Variants in DOP1B observed in about 807,000 individuals in gnomAD.
The protein encoded by DOP1B is DOP1 leucine zipper like protein B.
In DOP1B, 174 loss-of-function variants were observed where a neutral mutation model predicts 233.5. The ratio of observed to expected loss-of-function variants is 0.75; its 90% CI spans 0.66 to 0.85. The LOEUF is 0.85. Ranked by LOEUF, DOP1B falls within the 40% of genes least tolerant of loss-of-function variation. The pLI, the probability that DOP1B is intolerant of heterozygous loss-of-function variation, is 0.00. For missense variants in DOP1B, 2,652 were observed against 2,846.6 expected (o/e 0.93, Z 1.56); for synonymous variants, 1,190 against 1,185.6 (o/e 1.00, Z -0.08).
chr21:36,205,268 T>C (rs1482894951), intron 4 of DOP1B, among the ~76,000 whole-genome samples: 1 of 152,228 alleles, frequency 6.6e-6, no homozygotes, highest in African/African-American at 2.4e-5. Context: ...CAGTGTCATT[T>C]GAAGGAGCTG....
At chr21:36,163,072 C>T (rs189243633) in intron 1 of DOP1B, among the ~76,000 whole-genome samples, 3 of 151,902 alleles carry the variant, frequency 2.0e-5, no homozygotes, top group South Asian at 2.1e-4. Context: ...GGTTGCCAGG[C>T]GCGGTGGCTC....
At chr21:36,247,141 A>G (rs944571570) in intron 19 of DOP1B, among the ~76,000 whole-genome samples, 3 of 152,032 alleles carry the variant, frequency 2.0e-5, no homozygotes, top group African/African-American at 7.2e-5. Flanking sequence ...CGGCCTCCCA[A>G]AGTGCTGGGG....
At chr21:36,211,430 G>C in intron 5 of DOP1B, 123 bp from the exon 6 acceptor site, 1 of 836,524 alleles carries the variant, frequency 1.2e-6, no homozygotes, top group East Asian at 2.6e-5. Context: ...CCTGACCTGT[G>C]GCTGCTGGTT....
rs567010315 is a variant in DOP1B, at chr21:36,292,201, A to G, written c.6613A>G (p.Arg2205Gly). ...NHQECKPHTV[R>G]ILELLKLKFG... is the part of the protein sequence containing the mutation. ...CCAAGAATGCAAACCCCACACTGTC[A>G]GGATTCTAGAACTTCTAAAATTAAA... The change falls in exon 36 of 37, where the codon AGG becomes GGG. Residue 2205 changes from arginine to glycine, a missense_variant. Physicochemically the swap from Arg to Gly is moderately radical, Grantham distance 125. Transcript: ENST00000691173. 1.2e-6 allele frequency: 2 copies of G among 1,607,736 alleles called. No homozygotes were observed. Among genetic ancestry groups the G allele is most frequent in the East Asian group, 4.5e-5 (2 of 44,816 alleles).
At position 36,200,487 on chromosome 21, in the gene DOP1B, C is replaced by T. The variant is rs1221582117; in HGVS notation, c.477C>T (p.Ser159=). Residue 159 remains serine, a synonymous_variant, in exon 4 of 37, where the codon TCC becomes TCT. Coordinates refer to ENST00000691173, the MANE Select transcript of DOP1B (RefSeq NM_001320714.2). ...VGLLPGLEEG[S]EISDRTDALL... The stretch of plus-strand genomic sequence containing the variant: ...TGCTGCCCGGCCTTGAAGAGGGCTC[C>T]GAGATCTCCGACAGGTGCGTGGGCG... The T allele has an allele frequency of 4.4e-6, 7 of 1,608,234 alleles. No homozygotes were observed. The highest frequency in any genetic ancestry group is 4.0e-5 in the African/African-American group (3 of 74,786).
At chr21:36,232,044 C>T (rs1601432119) in intron 14 of DOP1B, among the ~76,000 whole-genome samples, 1 of 152,132 alleles carries the variant, frequency 6.6e-6, no homozygotes, top group South Asian at 2.1e-4. Context: ...CAGGGTTTCA[C>T]CATGTTGGCC....
chr21:36,227,697 T>C lies in DOP1B; in HGVS notation c.1485T>C (p.Ser495=). 1 of 1,552,312 alleles carries C rather than the reference T, an allele frequency of 6.4e-7. No homozygotes were observed. Among genetic ancestry groups the C allele is most frequent in the African/African-American group, 1.4e-5 (1 of 73,214 alleles). Residue 495 remains serine, a synonymous_variant, in exon 13 of 37, where the codon TCT becomes TCC. Coordinates refer to ENST00000691173, the MANE Select transcript of DOP1B (RefSeq NM_001320714.2). ...CGTTTATTTCACAGGAACTTTACTC[T>C]GAGGTGCAAACCCAGTATCTCCCTC... ...LLDVIPLELY[S]EVQTQYLPQV...
At chr21:36,189,404 C>T in intron 2 of DOP1B, among the ~76,000 whole-genome samples, 1 of 152,286 alleles carries the variant, frequency 6.6e-6, no homozygotes, top group Middle Eastern at 3.4e-3. Flanking sequence ...CCTGTTTAAT[C>T]AGTTTCTCCT....
chr21:36,229,685 A>G lies in DOP1B; in HGVS notation c.1666-765A>G, dbSNP rs865788724. Among the ~76,000 whole-genome samples, 1,133 of 140,046 alleles carry G rather than the reference A, an allele frequency of 8.1e-3. 14 individuals carry two copies. Among genetic ancestry groups the G allele is most frequent in the African/African-American group, 0.03 (1,087 of 36,694 alleles). The allele number at this position is 140,046 out of a possible 152,430, so 91.9% of individuals were successfully genotyped here. A position where few individuals can be genotyped will look rare whatever the true frequency, so the allele number is the denominator to read the frequency against. On this transcript the variant is annotated intron_variant, in intron 13 of 36. Coordinates refer to ENST00000691173, the MANE Select transcript of DOP1B (RefSeq NM_001320714.2). ...CCTTTTTTTTTTTTTTTTTTGAGACAGAGTCTCTCTCTGTCGCCCAGGCTG... is the reference window on the plus strand; with the variant it reads ...CCTTTTTTTTTTTTTTTTTTGAGACGGAGTCTCTCTCTGTCGCCCAGGCTG...
chr21:36,186,488 C>T (rs999708771), intron 2 of DOP1B, among the ~76,000 whole-genome samples: 8 of 152,050 alleles, frequency 5.3e-5, no homozygotes, highest in East Asian at 1.9e-4. Context: ...GACATGTGTA[C>T]GCATATCCAG....
At position 36,176,097 on chromosome 21, in the gene DOP1B, C is replaced by CGTGTGTGT. The variant is rs1555886143; in HGVS notation, c.138+11244_138+11251dup. On this transcript the variant is annotated intron_variant, in intron 2 of 36. Transcript: ENST00000691173. ...GAGCTTCGACTTTGGGGTGTGTGTG[C>CGTGTGTGT]GTGTGTGTGTGTGTGTGTGTGTGTG... Among the ~76,000 whole-genome samples, 392 of 141,844 alleles carry CGTGTGTGT rather than the reference C, an allele frequency of 2.8e-3. 5 individuals carry two copies. The highest frequency in any genetic ancestry group is 9.1e-3 in the African/African-American group (354 of 38,880). The allele number at this position is 141,844 out of a possible 152,430, so 93.1% of individuals were successfully genotyped here. A position where few individuals can be genotyped will look rare whatever the true frequency, so the allele number is the denominator to read the frequency against.
Position 36,205,068 on chromosome 21 carries a change from G to A in DOP1B, c.492-3647G>A, listed in dbSNP as rs114410589. Reference sequence around the variant, plus strand: ...TCTGACCTGCAGTTTACAGTACAGGGTGCTGTTGTCACTGCCCTGCCTCTT... The same window carrying A: ...TCTGACCTGCAGTTTACAGTACAGGATGCTGTTGTCACTGCCCTGCCTCTT... On this transcript the variant is annotated intron_variant, in intron 4 of 36. Transcript: ENST00000691173. Among the ~76,000 whole-genome samples the A allele has an allele frequency of 2.9e-3, 434 of 152,278 alleles. 2 individuals carry two copies. The highest frequency in any genetic ancestry group is 0.01 in the African/African-American group (417 of 41,570).
chr21:36,260,244 A>AAGGG (rs370400130), intron 23 of DOP1B, among the ~76,000 whole-genome samples: 14 of 126,598 alleles, frequency 1.1e-4, no homozygotes, highest in East Asian at 4.4e-4. Context: ...GGAAGGGAGG[A>AAGGG]AGGGAGGGAG....
At chr21:36,220,360 C>T (rs2066610785) in intron 10 of DOP1B, among the ~76,000 whole-genome samples, 1 of 152,164 alleles carries the variant, frequency 6.6e-6, no homozygotes, top group East Asian at 1.9e-4. Flanking sequence ...ACACGTAATC[C>T]TAGCACTCTT....
intron 18 of DOP1B, among the ~76,000 whole-genome samples, chr21:36,241,368 A>T (rs960258228): frequency 6.6e-6 from 1 of 152,100 alleles, no homozygotes. Flanking sequence ...TTATAAGCTA[A>T]CGCTGTTCGA....
At chr21:36,167,922 T>G (rs1216660693) in intron 2 of DOP1B, among the ~76,000 whole-genome samples, 3 of 86,508 alleles carry the variant, frequency 3.5e-5, no homozygotes, top group African/African-American at 1.0e-4. Context: ...ACATTTTCTT[T>G]TCTTTTCTTT....
chr21:36,225,243 T>C (rs1433281810), intron 11 of DOP1B, among the ~76,000 whole-genome samples: 2 of 152,112 alleles, frequency 1.3e-5, no homozygotes, highest in Non-Finnish European at 2.9e-5. Context: ...TTTTTTTTTT[T>C]TTCTGAGACA....
At chr21:36,176,532 G>C (rs1242040931) in intron 2 of DOP1B, among the ~76,000 whole-genome samples, 1 of 152,168 alleles carries the variant, frequency 6.6e-6, no homozygotes, top group Non-Finnish European at 1.5e-5. Flanking sequence ...AGCAACCTTT[G>C]TTCTGATGAC....
intron 2 of DOP1B, among the ~76,000 whole-genome samples, chr21:36,190,455 T>TG (rs1472065504): frequency 2.0e-5 from 3 of 151,862 alleles, no homozygotes; most frequent in Non-Finnish European, 4.4e-5. Flanking sequence ...TGGAGTGCAG[T>TG]GGCGCAATCT....
Sources: allele counts gnomAD v4.1 joint callset (sites outside exome capture counted in the v4.1 genomes callset), GRCh38; gene constraint gnomAD v4.1.1; transcripts MANE v1.5; gene names NCBI Gene and HGNC (gene_info 2026-07-23, HGNC 2026-07-21).